Variants in AP2A2 observed in about 807,000 individuals in gnomAD.
AP2A2 encodes adaptor related protein complex 2 subunit alpha 2.
Under a neutral mutation model 104.2 loss-of-function variants are expected in AP2A2, and 32 were observed. That is an observed-to-expected ratio of 0.31 (90% CI 0.23 to 0.41). AP2A2 has a LOEUF of 0.41. AP2A2 is among the 10% of genes least tolerant of loss of function. AP2A2 has a pLI of 1.00. For missense variants in AP2A2, 912 were observed against 1,261.0 expected, an observed-to-expected ratio of 0.72 and a Z score of 4.19; for synonymous variants, 539 against 533.3, an observed-to-expected ratio of 1.01 and a Z score of -0.15.
rs114454185 is a variant in AP2A2 at position 1,000,357 on chromosome 11, G to A, written c.1957-75G>A. 6.3e-3 allele frequency: 9,082 copies of A among 1,446,760 alleles called. 412 individuals carry two copies. In the African/African-American group the frequency reaches 0.1, roughly 17 times the overall value. 89.6% of individuals were successfully genotyped at this position (1,446,760 alleles called of 1,614,324 possible). On this transcript the variant is annotated intron_variant, in intron 14 of 21. Transcript: ENST00000448903. ...CCAAGGGGGTGCCATGGGGGAGGACGTGCAGGCGTGAGCTGCCTGGGGTTG... is the reference window on the plus strand; with the variant it reads ...CCAAGGGGGTGCCATGGGGGAGGACATGCAGGCGTGAGCTGCCTGGGGTTG...
intron 1 of AP2A2, among the ~76,000 whole-genome samples, chr11:938,761 G>A (rs575885380): frequency 2.6e-5 from 4 of 152,034 alleles, no homozygotes; most frequent in South Asian, 2.1e-4. Context: ...GGCATGAGCC[G>A]CTGTGCCCGG....
intron 14 of AP2A2, chr11:995,358 G>A (rs1325518198): frequency 2.9e-5 from 13 of 455,824 alleles, no homozygotes; most frequent in Non-Finnish European, 8.8e-6. Flanking sequence ...GTCGTTTTGA[G>A]AGTTGCGTTT....
rs746048190 is a variant in AP2A2, at chr11:933,597, T to C, written c.67+7509T>C. 16 of 456,108 alleles carry C rather than the reference T, an allele frequency of 3.5e-5. No homozygotes were observed. In the East Asian group the frequency reaches 1.0e-3, roughly 30 times the overall value. 28.3% of individuals were successfully genotyped at this position (456,108 alleles called of 1,614,324 possible). ...GCCAAGACGCATAGAAGAAATAGCA[T>C]GTGAGTAGGAAGCAGCCCTATTTTA... is the stretch of plus-strand genomic sequence containing the variant. On this transcript the variant is annotated intron_variant, in intron 1 of 21. Transcript: ENST00000448903.
At chr11:945,943 A>G (rs1331785504) in intron 1 of AP2A2, among the ~76,000 whole-genome samples, 2 of 152,082 alleles carry the variant, frequency 1.3e-5, no homozygotes, top group East Asian at 1.9e-4. Context: ...TAGGAGTGAC[A>G]TGTGGAGGTT....
intron 14 of AP2A2, among the ~76,000 whole-genome samples, chr11:997,631 A>G (rs953619235): frequency 2.2e-4 from 33 of 152,232 alleles, no homozygotes; most frequent in African/African-American, 6.8e-4. Flanking sequence ...ATGGCTGGGC[A>G]TGGTGGCTCA....
chr11:991,178 C>G (rs1307792674), intron 10 of AP2A2, among the ~76,000 whole-genome samples: 1 of 152,282 alleles, frequency 6.6e-6, no homozygotes, highest in Non-Finnish European at 1.5e-5. Flanking sequence ...GTGTTTCCCT[C>G]TGTCCTTTCA....
At chr11:941,651 G>C (rs1853648318) in intron 1 of AP2A2, among the ~76,000 whole-genome samples, 1 of 151,418 alleles carries the variant, frequency 6.6e-6, no homozygotes, top group Non-Finnish European at 1.5e-5. Flanking sequence ...GCAGTGGCGT[G>C]ATCTCGGCTC....
intron 1 of AP2A2, among the ~76,000 whole-genome samples, chr11:954,286 AGTTC>A (rs1454804311): frequency 2.6e-5 from 4 of 152,296 alleles, no homozygotes; most frequent in African/African-American, 9.6e-5. Context: ...CTGGCCCCAA[AGTTC>A]ACTCTTGTCA....
chr11:1,003,655 C>A, intron 15 of AP2A2, 67 bp from the exon 16 acceptor site: 1 of 1,105,870 alleles, frequency 9.0e-7, no homozygotes, highest in Non-Finnish European at 1.3e-6. Flanking sequence ...AGTTTTTTTC[C>A]AGAACAAACC....
At chr11:953,181 G>A (rs1011116637) in intron 1 of AP2A2, among the ~76,000 whole-genome samples, 3 of 152,292 alleles carry the variant, frequency 2.0e-5, no homozygotes, top group Non-Finnish European at 1.5e-5. Flanking sequence ...TTTTGAGACA[G>A]CCTCTCTCTC....
At chr11:1,001,250 C>G (rs1007823408) in intron 15 of AP2A2, 1 of 152,844 alleles carries the variant, frequency 6.5e-6, no homozygotes, top group African/African-American at 2.4e-5. Context: ...TGACCACTTT[C>G]CCCCGCACGT....
intron 1 of AP2A2, among the ~76,000 whole-genome samples, chr11:929,106 A>G (rs1482686585): frequency 6.6e-6 from 1 of 152,222 alleles, no homozygotes; most frequent in Non-Finnish European, 1.5e-5. Flanking sequence ...TAATTAATGT[A>G]TATACGTATT....
chr11:932,123 A>G (rs190769664), intron 1 of AP2A2, among the ~76,000 whole-genome samples: 11 of 152,086 alleles, frequency 7.2e-5, no homozygotes, highest in Non-Finnish European at 1.6e-4. Flanking sequence ...CACCACGCCT[A>G]GCTAATTTTT....
intron 1 of AP2A2, chr11:943,364 G>C (rs993731966): frequency 1.3e-5 from 2 of 153,072 alleles, no homozygotes; most frequent in Non-Finnish European, 2.9e-5. Context: ...GAACAGGATG[G>C]GACAGGGATT....
Position 993,724 on chromosome 11 carries a change from T to C in AP2A2, c.1551-30T>C. 1 of 1,523,636 alleles carries C rather than the reference T, an allele frequency of 6.6e-7. No homozygotes were observed. The highest frequency in any genetic ancestry group is 1.9e-5 in the Admixed American group (1 of 52,496). The allele number at this position is 1,523,636 out of a possible 1,614,324, so 94.4% of individuals were successfully genotyped here. On this transcript the variant is annotated intron_variant, in intron 12 of 21. Coordinates refer to ENST00000448903, the MANE Select transcript of AP2A2 (RefSeq NM_012305.4). The surrounding 1 kb of genome is among the most constrained non-coding windows in gnomAD (Gnocchi z 8.2). Reference sequence around the variant, plus strand: ...GCTGCAGCCTGCGAGGGGACGACGGTGTCCCTGTGTTGTGCCTCCCCGTCC... The same window carrying C: ...GCTGCAGCCTGCGAGGGGACGACGGCGTCCCTGTGTTGTGCCTCCCCGTCC...
In AP2A2 at chr11:984,651, A is replaced by T; in HGVS notation, c.712A>T (p.Thr238Ser). The T allele has an allele frequency of 1.2e-6, 2 of 1,611,524 alleles. No individual in the cohort carries two copies. Among genetic ancestry groups the T allele is most frequent in the Non-Finnish European group, 1.7e-6 (2 of 1,177,924 alleles). ...LAVSRLSRIV[T>S]SASTDLQDYT... ...TGCCTGTGCTGTCTTACAGATCGTG[A>T]CGTCTGCATCCACAGATCTCCAGGA... Residue 238 changes from threonine to serine, a missense_variant, in exon 7 of 22, where the codon ACG (threonine) becomes TCG (serine). By Grantham distance (58) the Thr-to-Ser change is moderately conservative. This residue lies in a region of AP2A2 where 350 missense variants were observed against 487.0 expected (regional missense o/e 0.72). Coordinates refer to ENST00000448903, the MANE Select transcript of AP2A2 (RefSeq NM_012305.4).
At chr11:935,177 C>A (rs1463258275) in intron 1 of AP2A2, among the ~76,000 whole-genome samples, 1 of 150,600 alleles carries the variant, frequency 6.6e-6, no homozygotes, top group African/African-American at 2.4e-5. Flanking sequence ...CCTCAGCCTC[C>A]CGAGCAGCTT....
At chr11:927,553 A>C (rs7395182) in intron 1 of AP2A2, among the ~76,000 whole-genome samples, 72,058 of 150,694 alleles carry the variant, frequency 0.48, 18,206 homozygotes, top group Middle Eastern at 0.65. Context: ...CGGTGGCTCA[A>C]ACCTATAGTC....
At chr11:1,006,403 G>C (rs1856207099) in intron 16 of AP2A2, 125 bp from the exon 17 acceptor site, 2 of 714,634 alleles carry the variant, frequency 2.8e-6, no homozygotes, top group African/African-American at 3.6e-5. Flanking sequence ...TTTAACAACA[G>C]TCATACATCA....
Sources: gnomAD v4.1 joint callset for allele counts (sites outside exome capture counted in the v4.1 genomes callset) on GRCh38, gnomAD v4.1.1 for gene constraint, gnomAD v4.1.1 regional missense constraint, Gnocchi (gnomAD v3.1) non-coding constraint, MANE v1.5 for transcripts, NCBI Gene and HGNC (gene_info 2026-07-23, HGNC 2026-07-21) for gene names.